ULK4: variants seen among roughly 807,000 people sequenced by gnomAD.
The protein encoded by ULK4 is inactive serine/threonine-protein kinase ULK4.
In ULK4, 133 loss-of-function variants were observed where a neutral mutation model predicts 160.6. The observed-to-expected ratio is 0.83, with a 90% CI of 0.72 to 0.96. The LOEUF is 0.96. Ranked by LOEUF, ULK4 falls within the 40% of genes least tolerant of loss-of-function variation. ULK4 has a pLI of 0.00. For missense variants in ULK4, 1,580 were observed against 1,499.5 expected (o/e 1.05, Z -0.89); for synonymous variants, 534 against 539.8 (o/e 0.99, Z 0.15).
At chr3:41,346,605 C>A (rs2080805905) in intron 35 of ULK4, among the ~76,000 whole-genome samples, 1 of 152,084 alleles carries the variant, frequency 6.6e-6, no homozygotes, top group African/African-American at 2.4e-5. Context: ...AGAAAGAATT[C>A]TGCCATTTAA....
chr3:41,259,087 T>C (rs145923465), intron 35 of ULK4, among the ~76,000 whole-genome samples: 6,185 of 142,362 alleles, frequency 0.043, 181 homozygotes, highest in Non-Finnish European at 0.06. Context: ...TCTGATGATA[T>C]ATATACATAT....
chr3:41,427,517 C>T (rs1443889388), intron 34 of ULK4, among the ~76,000 whole-genome samples: 1 of 152,140 alleles, frequency 6.6e-6, no homozygotes, highest in African/African-American at 2.4e-5. Context: ...TGCAAAAATC[C>T]TCAACAAAAT....
At chr3:41,401,736 C>G (rs1162849832) in intron 34 of ULK4, among the ~76,000 whole-genome samples, 1 of 152,144 alleles carries the variant, frequency 6.6e-6, no homozygotes, top group Non-Finnish European at 1.5e-5. Context: ...ACCCCAATTT[C>G]TCAATTTCAG....
intron 34 of ULK4, among the ~76,000 whole-genome samples, chr3:41,446,105 C>G (rs1289390217): frequency 6.6e-6 from 1 of 152,116 alleles, no homozygotes; most frequent in Non-Finnish European, 1.5e-5. Context: ...ATTTATGCAG[C>G]CAAAACACAC....
chr3:41,542,709 G>A (rs2086736137), intron 32 of ULK4, among the ~76,000 whole-genome samples: 1 of 152,052 alleles, frequency 6.6e-6, no homozygotes, highest in African/African-American at 2.4e-5. Context: ...CTTATTATTG[G>A]TCCATTCAGG....
intron 18 of ULK4, among the ~76,000 whole-genome samples, chr3:41,834,227 A>G (rs1197746012): frequency 6.6e-6 from 1 of 151,960 alleles, no homozygotes; most frequent in Non-Finnish European, 1.5e-5. Context: ...TCAACCAAAG[A>G]AAGATGTACA....
chr3:41,613,720 G>A (rs1035511287), intron 31 of ULK4, among the ~76,000 whole-genome samples: 1 of 152,216 alleles, frequency 6.6e-6, no homozygotes, highest in African/African-American at 2.4e-5. Flanking sequence ...ATTTAATAAT[G>A]TTCTTCAAGG....
chr3:41,608,166 T>C (rs977722800), intron 31 of ULK4, among the ~76,000 whole-genome samples: 2 of 152,184 alleles, frequency 1.3e-5, no homozygotes, highest in African/African-American at 2.4e-5. Flanking sequence ...TTTCACCCGG[T>C]AGAACTATTT....
At chr3:41,423,211 CAG>C (rs558687466) in intron 34 of ULK4, among the ~76,000 whole-genome samples, 200 of 152,258 alleles carry the variant, frequency 1.3e-3, no homozygotes, top group African/African-American at 4.5e-3. Context: ...CAAATGTAAA[CAG>C]GGGTTACACT....
chr3:41,630,270 A>T (rs2033689028), intron 30 of ULK4, among the ~76,000 whole-genome samples: 1 of 152,188 alleles, frequency 6.6e-6, no homozygotes, highest in African/African-American at 2.4e-5. Context: ...TCCAGTCTGG[A>T]GGCTGGAGGT....
chr3:41,295,553 T>TA lies in ULK4; in HGVS notation c.3679-45980dup, dbSNP rs1217522484. 7.9e-5 allele frequency among the ~76,000 whole-genome samples: 10 copies of TA among 126,844 alleles called. 1 individual carries two copies. Among genetic ancestry groups the TA allele is most frequent in the African/African-American group, 2.9e-4 (10 of 35,084 alleles). 83.2% of individuals were successfully genotyped at this position (126,844 alleles called of 152,430 possible). A position where few individuals can be genotyped will look rare whatever the true frequency, so the allele number is the denominator to read the frequency against. On this transcript the variant is annotated intron_variant, in intron 35 of 36. Transcript: ENST00000301831. ...AAAAGACACATCTGATAGACTGTTATAAAAAATACACAAAGAATTCTTAAA... is the reference window on the plus strand; with the variant it reads ...AAAAGACACATCTGATAGACTGTTATAAAAAAATACACAAAGAATTCTTAAA...
chr3:41,636,415 T>C (rs1384904909), intron 30 of ULK4, among the ~76,000 whole-genome samples: 2 of 151,730 alleles, frequency 1.3e-5, no homozygotes, highest in African/African-American at 4.8e-5. Flanking sequence ...ACACCTGAAG[T>C]CCCAGCTACT....
chr3:41,728,445 A>G (rs2037721946), intron 22 of ULK4, among the ~76,000 whole-genome samples: 2 of 152,136 alleles, frequency 1.3e-5, no homozygotes, highest in African/African-American at 4.8e-5. Flanking sequence ...AGCTCTGGTG[A>G]GAACTAATGG....
intron 36 of ULK4, among the ~76,000 whole-genome samples, chr3:41,247,576 T>C (rs189095302): frequency 6.9e-6 from 1 of 144,320 alleles, no homozygotes; most frequent in East Asian, 2.0e-4. Flanking sequence ...CACTCTTGAC[T>C]GCACAGAAAT....
rs550130013 is a variant in ULK4 at position 41,440,812 on chromosome 3, C to A, written c.3492+14685G>T. On this transcript the variant is annotated intron_variant, in intron 34 of 36. Coordinates refer to ENST00000301831, the MANE Select transcript of ULK4 (RefSeq NM_017886.4). ...ATGGAAACATTTTAAACTAAAAATT[C>A]TATTTTTTAATAGACACAGGGTTAT... 2.5e-4 allele frequency among the ~76,000 whole-genome samples: 38 copies of A among 152,140 alleles called. No individual in the cohort carries two copies. In the South Asian group the frequency reaches 4.6e-3, roughly 18 times the overall value.
rs188808117 is a variant in ULK4, at chr3:41,317,292, G to A, written c.3679-67718C>T. On this transcript the variant is annotated intron_variant, in intron 35 of 36. Transcript: ENST00000301831. ...GGGTTTCACCTTGTTAGCCAGGATC[G>A]TCTCGATCTCCTGACCTCATGATCC... 1.3e-3 allele frequency among the ~76,000 whole-genome samples: 193 copies of A among 151,974 alleles called. 1 individual carries two copies. Among genetic ancestry groups the A allele is most frequent in the African/African-American group, 4.4e-3 (182 of 41,446 alleles).
At chr3:41,323,265 T>TAC (rs775418792) in intron 35 of ULK4, among the ~76,000 whole-genome samples, 1 of 151,900 alleles carries the variant, frequency 6.6e-6, no homozygotes, top group South Asian at 2.1e-4. Flanking sequence ...CATGTTGCCA[T>TAC]ACACACACAC....
chr3:41,927,107 G>A (rs149902091), intron 5 of ULK4, among the ~76,000 whole-genome samples: 309 of 152,274 alleles, frequency 2.0e-3, no homozygotes, highest in African/African-American at 7.1e-3. Flanking sequence ...GAGAAAGGTT[G>A]GGTTACCCGC....
At chr3:41,479,344 T>G (rs1355262853) in intron 32 of ULK4, among the ~76,000 whole-genome samples, 2 of 152,178 alleles carry the variant, frequency 1.3e-5, no homozygotes, top group African/African-American at 4.8e-5. Flanking sequence ...AATGCCAGAC[T>G]GAAGGAATTA....
Sources: gnomAD v4.1 joint callset for allele counts (sites outside exome capture counted in the v4.1 genomes callset) on GRCh38, gnomAD v4.1.1 for gene constraint, MANE v1.5 for transcripts, NCBI Gene and HGNC (gene_info 2026-07-23, HGNC 2026-07-21) for gene names.